GASK1B: variants seen among roughly 807,000 people sequenced by gnomAD.
GASK1B encodes the protein golgi associated kinase 1B.
In GASK1B, 34 loss-of-function variants were observed where a neutral mutation model predicts 42.8. The observed-to-expected ratio is 0.79, with a 90% confidence interval of 0.60 to 1.06. GASK1B has a LOEUF of 1.06. Among genes scored for constraint, GASK1B ranks in the 50% least tolerant of loss-of-function variants. GASK1B has a pLI of 0.00. For synonymous variants in GASK1B, 262 were observed against 259.1 expected, an observed-to-expected ratio of 1.01 and a Z score of -0.11; for missense variants, 686 against 661.0, an observed-to-expected ratio of 1.04 and a Z score of -0.42.
rs773228924 is a variant in GASK1B, at chr4:158,155,770, A to C, written c.966T>G (p.Asn322Lys). 1.4e-5 allele frequency: 23 copies of C among 1,613,734 alleles called. No individual in the cohort carries two copies. The highest frequency in any genetic ancestry group is 2.7e-5 in the African/African-American group (2 of 74,916). Residue 322 changes from asparagine to lysine, a missense_variant, in exon 3 of 5, where the codon AAT becomes AAG. Asn to Lys is a moderately conservative substitution (Grantham distance 94, BLOSUM62 0). Coordinates refer to ENST00000585682, the MANE Select transcript of GASK1B (RefSeq NM_001128424.2). ...LWDASLSSAS[N>K]DTHSSVKLTW... Reference sequence around the variant, plus strand: ...TGAGCTTAACAGAAGAATGGGTGTCATTACTTGCTGAAGATAAAGATGCAT... The same window carrying C: ...TGAGCTTAACAGAAGAATGGGTGTCCTTACTTGCTGAAGATAAAGATGCAT...
intron 2 of GASK1B, among the ~76,000 whole-genome samples, chr4:158,166,995 T>G (rs1579050221): frequency 6.6e-6 from 1 of 152,274 alleles, no homozygotes; most frequent in Non-Finnish European, 1.5e-5. Context: ...CTTTCATCTC[T>G]AAAATGAGGT....
chr4:158,171,825 G>C (rs559784289), intron 1 of GASK1B, among the ~76,000 whole-genome samples: 2 of 152,266 alleles, frequency 1.3e-5, no homozygotes, highest in South Asian at 4.1e-4. Context: ...TTTATAACTT[G>C]TACCTAGAGT....
At chr4:158,133,878 A>G (rs1730778983) in intron 3 of GASK1B, among the ~76,000 whole-genome samples, 1 of 152,140 alleles carries the variant, frequency 6.6e-6, no homozygotes, top group Non-Finnish European at 1.5e-5. Context: ...AGATCTATAT[A>G]TGTACTTGAT....
At chr4:158,130,422 T>C (rs1307862864) in intron 4 of GASK1B, among the ~76,000 whole-genome samples, 2 of 152,190 alleles carry the variant, frequency 1.3e-5, no homozygotes, top group South Asian at 2.1e-4. Flanking sequence ...TCCTATCTTA[T>C]GCCTAATAAT....
chr4:158,164,592 C>T (rs1227820875), intron 2 of GASK1B, among the ~76,000 whole-genome samples: 1 of 152,232 alleles, frequency 6.6e-6, no homozygotes, highest in Non-Finnish European at 1.5e-5. Flanking sequence ...AAGAACACAA[C>T]ATACTTTCAA....
intron 2 of GASK1B, chr4:158,169,973 G>A: frequency 4.5e-6 from 2 of 448,712 alleles, no homozygotes; most frequent in East Asian, 3.6e-5. Context: ...AAAAAAAGGG[G>A]GGGTTAAACC....
chr4:158,165,750 T>C (rs1394748599), intron 2 of GASK1B, among the ~76,000 whole-genome samples: 1 of 152,216 alleles, frequency 6.6e-6, no homozygotes, highest in Non-Finnish European at 1.5e-5. Flanking sequence ...GAAACTTCAG[T>C]GTCAGAGACA....
At chr4:158,151,758 ACT>A (rs1392091850) in intron 3 of GASK1B, among the ~76,000 whole-genome samples, 1 of 152,112 alleles carries the variant, frequency 6.6e-6, no homozygotes, top group East Asian at 1.9e-4. Flanking sequence ...AGAAATACAA[ACT>A]CTGAACAGAC....
chr4:158,169,574 C>G (rs1249103415), intron 2 of GASK1B: 4 of 152,212 alleles, frequency 2.6e-5, no homozygotes, highest in Non-Finnish European at 4.4e-5. Context: ...AGCTTATAAT[C>G]TCTTTGGGGT....
intron 2 of GASK1B, among the ~76,000 whole-genome samples, chr4:158,160,533 A>C (rs1441109703): frequency 2.0e-5 from 3 of 152,202 alleles, no homozygotes; most frequent in African/African-American, 7.2e-5. Context: ...ATGATGGGAA[A>C]CAGTATGAAA....
chr4:158,170,863 G>C lies in GASK1B; in HGVS notation c.513C>G (p.Asn171Lys). 1 of 1,614,212 alleles carries C rather than the reference G, an allele frequency of 6.2e-7. No homozygotes were observed. Among genetic ancestry groups the C allele is most frequent in the Non-Finnish European group, 8.5e-7 (1 of 1,180,034 alleles). Residue 171 changes from asparagine (N) to lysine (K), a missense_variant, in exon 2 of 5, where the codon AAC (asparagine) becomes AAG (lysine). By Grantham distance (94) the Asn-to-Lys change is moderately conservative. Transcript: ENST00000585682. ...AGGGTCGCTCTCCAATCTTAACCAG[G>C]TTTGCTCCCTGAGCGTACCCAGGTG... ...AVAPGYAQGA[N>K]LVKIGERPWR...
intron 3 of GASK1B, among the ~76,000 whole-genome samples, chr4:158,145,700 TG>T (rs1731304120): frequency 6.6e-6 from 1 of 152,200 alleles, no homozygotes; most frequent in African/African-American, 2.4e-5. Context: ...ATCTGTCCCT[TG>T]TACTAGATTG....
At chr4:158,153,084 G>A (rs1158783910) in intron 3 of GASK1B, among the ~76,000 whole-genome samples, 1 of 152,072 alleles carries the variant, frequency 6.6e-6, no homozygotes, top group Non-Finnish European at 1.5e-5. Flanking sequence ...TTATATAATT[G>A]TATATCTAGA....
In GASK1B at chr4:158,170,452, T is replaced by C. The variant is rs1347926825; in HGVS notation, c.910+14A>G. On this transcript the variant is annotated intron_variant, in intron 2 of 4. Coordinates refer to ENST00000585682, the MANE Select transcript of GASK1B (RefSeq NM_001128424.2). ...CCCAACAGCTGCAAATAACGAAGCA[T>C]GTGAATCTGTTACCTTGGATGAACT... is the stretch of plus-strand genomic sequence containing the variant. 5 of 1,614,032 alleles carry C rather than the reference T, an allele frequency of 3.1e-6. No homozygotes were observed. The highest frequency in any genetic ancestry group is 3.4e-6 in the Non-Finnish European group (4 of 1,180,038).
intron 3 of GASK1B, among the ~76,000 whole-genome samples, chr4:158,135,635 A>G (rs1730859385): frequency 6.6e-6 from 1 of 151,866 alleles, no homozygotes; most frequent in Non-Finnish European, 1.5e-5. Context: ...CTACAGCTTT[A>G]AAGTCCATGC....
In GASK1B at chr4:158,155,666, G is replaced by A. The variant is rs749759490; in HGVS notation, c.1070C>T (p.Thr357Ile). The change falls in exon 3 of 5, where the codon ACT (threonine) becomes ATT (isoleucine). Residue 357 changes from threonine to isoleucine, a missense_variant. Physicochemically the swap from Thr to Ile is moderately conservative, Grantham distance 89. Coordinates refer to ENST00000585682, the MANE Select transcript of GASK1B (RefSeq NM_001128424.2). ...GGACCACTCATGATGATGTATTTCA[G>A]TACAACCCGATTCAGGCTTGGGTAC... ...GRVPKPESGC[T>I]EIHHHEWSKM... The A allele has an allele frequency of 3.1e-6, 5 of 1,613,850 alleles. No individual in the cohort carries two copies. In the South Asian group the frequency reaches 5.5e-5, roughly 18 times the overall value.
In GASK1B at chr4:158,170,669, C is replaced by A. The variant is rs1047205925; in HGVS notation, c.707G>T (p.Arg236Leu). 3.7e-6 allele frequency: 6 copies of A among 1,614,106 alleles called. No individual in the cohort carries two copies. The highest frequency in any genetic ancestry group is 5.1e-6 in the Non-Finnish European group (6 of 1,180,036). ...GGCTCCGCTCCTAGAGGACACAGGCCGGAGCCCTGCCACTGCGCTGTCCGC... is the reference window on the plus strand; with the variant it reads ...GGCTCCGCTCCTAGAGGACACAGGCAGGAGCCCTGCCACTGCGCTGTCCGC... ...LLADSAVAGL[R>L]PVSSRSGARL... The change falls in exon 2 of 5, where the codon CGG becomes CTG. Residue 236 changes from arginine to leucine, a missense_variant. Physicochemically the swap from Arg to Leu is moderately radical, Grantham distance 102. Coordinates refer to ENST00000585682, the MANE Select transcript of GASK1B (RefSeq NM_001128424.2).
rs142698429 is a variant in GASK1B, at chr4:158,166,727, A to G, written c.910+3739T>C. On this transcript the variant is annotated intron_variant, in intron 2 of 4. Coordinates refer to ENST00000585682, the MANE Select transcript of GASK1B (RefSeq NM_001128424.2). ...AAGGTTTTTTTGTCTCCTTGAGGAA[A>G]AAAAGGAGGTTCCCATGGCTATATC... 2.5e-3 allele frequency among the ~76,000 whole-genome samples: 381 copies of G among 152,284 alleles called. 1 individual carries two copies. The highest frequency in any genetic ancestry group is 7.7e-3 in the African/African-American group (322 of 41,570).
At chr4:158,167,738 T>C (rs1428572211) in intron 2 of GASK1B, among the ~76,000 whole-genome samples, 1 of 152,106 alleles carries the variant, frequency 6.6e-6, no homozygotes, top group African/African-American at 2.4e-5. Flanking sequence ...ATGTATTATA[T>C]AATATAATGA....
Sources: allele counts gnomAD v4.1 joint callset (sites outside exome capture counted in the v4.1 genomes callset), GRCh38; gene constraint gnomAD v4.1.1; transcripts MANE v1.5; gene names NCBI Gene and HGNC (gene_info 2026-07-23, HGNC 2026-07-21).